Variants in SH3GL2 observed in about 807,000 individuals in gnomAD.
SH3GL2 encodes endophilin-A1.
SH3GL2 carries 24 observed loss-of-function variants against 46.0 expected under a neutral mutation model. The observed-to-expected ratio is 0.52, with a 90% CI of 0.38 to 0.73. The LOEUF (loss-of-function observed/expected upper bound fraction) is 0.73. Ranked by LOEUF, SH3GL2 falls within the 30% of genes least tolerant of loss-of-function variation. SH3GL2 has a pLI of 0.00. For synonymous variants in SH3GL2, 196 were observed against 147.1 expected (o/e 1.33, Z -2.40); for missense variants, 413 against 424.2 (o/e 0.97, Z 0.23).
At chr9:17,730,449 T>G (rs575728867) in intron 1 of SH3GL2, among the ~76,000 whole-genome samples, 4 of 152,152 alleles carry the variant, frequency 2.6e-5, no homozygotes, top group African/African-American at 9.7e-5. Flanking sequence ...ATACACTTTA[T>G]TTCTTTCTCT....
At chr9:17,685,274 A>C (rs764104146) in intron 1 of SH3GL2, among the ~76,000 whole-genome samples, 1 of 152,072 alleles carries the variant, frequency 6.6e-6, no homozygotes, top group Non-Finnish European at 1.5e-5. Context: ...CTCAGGCAGG[A>C]ATTGGTGCTG....
intron 1 of SH3GL2, among the ~76,000 whole-genome samples, chr9:17,641,585 T>C (rs1469005839): frequency 6.6e-6 from 1 of 152,124 alleles, no homozygotes; most frequent in East Asian, 1.9e-4. Context: ...TGCTATCCCT[T>C]CCCTTGCCCC....
intron 1 of SH3GL2, among the ~76,000 whole-genome samples, chr9:17,678,700 C>T (rs915222207): frequency 1.3e-5 from 2 of 152,146 alleles, no homozygotes; most frequent in African/African-American, 4.8e-5. Context: ...ACATGAAGTC[C>T]TTGCCCATGC....
At chr9:17,775,394 GTAC>G (rs1162848871) in intron 3 of SH3GL2, among the ~76,000 whole-genome samples, 2 of 152,098 alleles carry the variant, frequency 1.3e-5, no homozygotes, top group Non-Finnish European at 2.9e-5. Context: ...ACATTTTTCT[GTAC>G]TTCATTTTCC....
intron 2 of SH3GL2, among the ~76,000 whole-genome samples, chr9:17,749,454 C>G (rs1239619210): frequency 2.0e-5 from 3 of 152,164 alleles, no homozygotes; most frequent in African/African-American, 7.2e-5. Context: ...CTCCTTCCCC[C>G]TCACCCCTGG....
intron 3 of SH3GL2, among the ~76,000 whole-genome samples, chr9:17,779,424 C>G (rs990610431): frequency 2.0e-5 from 3 of 152,058 alleles, no homozygotes; most frequent in African/African-American, 7.2e-5. Flanking sequence ...TGAATCCAAT[C>G]TTTTCCTGTT....
chr9:17,617,748 T>G (rs187558769), intron 1 of SH3GL2, among the ~76,000 whole-genome samples: 19 of 152,190 alleles, frequency 1.2e-4, no homozygotes, highest in Admixed American at 1.2e-3. Flanking sequence ...GCTTTTGGAG[T>G]CAAGTGTCTT....
At chr9:17,659,942 A>T (rs529830421) in intron 1 of SH3GL2, among the ~76,000 whole-genome samples, 21 of 152,302 alleles carry the variant, frequency 1.4e-4, no homozygotes, top group African/African-American at 5.1e-4. Context: ...TACTTTCCCC[A>T]GTCTGTAAAC....
At chr9:17,624,529 T>C (rs1358411314) in intron 1 of SH3GL2, among the ~76,000 whole-genome samples, 1 of 152,184 alleles carries the variant, frequency 6.6e-6, no homozygotes, top group East Asian at 1.9e-4. Context: ...ATAATTTTAT[T>C]TATTTATTTT....
At chr9:17,716,245 A>C (rs1262873137) in intron 1 of SH3GL2, among the ~76,000 whole-genome samples, 1 of 152,116 alleles carries the variant, frequency 6.6e-6, no homozygotes, top group African/African-American at 2.4e-5. Context: ...AATGCCTAAT[A>C]ATCTTTAGTT....
At position 17,625,915 on chromosome 9, in the gene SH3GL2, A is replaced by G. The variant is rs540709401; in HGVS notation, c.45+46628A>G. The stretch of plus-strand genomic sequence containing the variant: ...ATGTCTTAAACCCCATGCTTACCTC[A>G]AGGCAATTAGAGAAAACCATGTGAC... On this transcript the variant is annotated intron_variant, in intron 1 of 8. Transcript: ENST00000380607. Among the ~76,000 whole-genome samples, 5 of 152,326 alleles carry G rather than the reference A, an allele frequency of 3.3e-5. No individual in the cohort carries two copies. In the South Asian group the frequency reaches 8.3e-4, roughly 25 times the overall value.
chr9:17,714,344 A>T (rs530625564), intron 1 of SH3GL2, among the ~76,000 whole-genome samples: 4 of 151,906 alleles, frequency 2.6e-5, no homozygotes, highest in African/African-American at 9.6e-5. Flanking sequence ...GATGTTTAGA[A>T]TATTTACATT....
At chr9:17,751,470 T>TTGTGTGCGTGTGTG (rs1822841301) in intron 2 of SH3GL2, among the ~76,000 whole-genome samples, 2 of 132,926 alleles carry the variant, frequency 1.5e-5, no homozygotes, top group Admixed American at 7.8e-5. Flanking sequence ...GTGTGTGTTT[T>TTGTGTGCGTGTGTG]TGTGTGTGCG....
chr9:17,648,768 A>T (rs999588193), intron 1 of SH3GL2, among the ~76,000 whole-genome samples: 2 of 152,228 alleles, frequency 1.3e-5, no homozygotes, highest in Non-Finnish European at 2.9e-5. Context: ...AAATGTTCAA[A>T]AGAGTTTCCT....
Position 17,579,189 on chromosome 9 carries a change from C to T in SH3GL2, c.-54C>T, listed in dbSNP as rs1252357840. ...GCGCCGCCCCGCTCGGCCCTCCAGT[C>T]CCCCTCCGCCTCCTCCCTCCCGCAC... On this transcript the variant is annotated 5_prime_UTR_variant, in exon 1 of 9. Transcript: ENST00000380607. The T allele has an allele frequency of 1.4e-6, 2 of 1,387,228 alleles. No individual in the cohort carries two copies. Among genetic ancestry groups the T allele is most frequent in the Non-Finnish European group, 9.8e-7 (1 of 1,024,250 alleles). 85.9% of individuals were successfully genotyped at this position (1,387,228 alleles called of 1,614,324 possible).
intron 1 of SH3GL2, chr9:17,591,214 T>A (rs767072940): frequency 2.6e-5 from 4 of 152,210 alleles, no homozygotes; most frequent in Non-Finnish European, 5.9e-5. Context: ...CTATATCAAT[T>A]GTTTTCCTAA....
chr9:17,655,697 G>A (rs567737934), intron 1 of SH3GL2, among the ~76,000 whole-genome samples: 97 of 152,306 alleles, frequency 6.4e-4, no homozygotes, highest in Middle Eastern at 3.4e-3. Context: ...TGTACTTGCT[G>A]TTCTCATCTT....
At chr9:17,716,945 C>T (rs888413094) in intron 1 of SH3GL2, among the ~76,000 whole-genome samples, 1 of 152,144 alleles carries the variant, frequency 6.6e-6, no homozygotes, top group Non-Finnish European at 1.5e-5. Flanking sequence ...TTCATACATA[C>T]ATATGGTTGA....
chr9:17,683,158 C>T (rs1419225594), intron 1 of SH3GL2, among the ~76,000 whole-genome samples: 1 of 152,022 alleles, frequency 6.6e-6, no homozygotes, highest in Non-Finnish European at 1.5e-5. Context: ...AAGAAAAAGA[C>T]TGAGTTATGT....
Sources: allele counts gnomAD v4.1 joint callset (sites outside exome capture counted in the v4.1 genomes callset), GRCh38; gene constraint gnomAD v4.1.1; transcripts MANE v1.5; gene names NCBI Gene and HGNC (gene_info 2026-07-23, HGNC 2026-07-21).